The following CDH18 variants were observed in gnomAD, a reference collection of about 807,000 sequenced individuals.
The protein encoded by CDH18 is cadherin-18.
In CDH18, 31 loss-of-function variants were observed where a neutral mutation model predicts 67.9. The observed-to-expected ratio is 0.46, with a 90% CI of 0.34 to 0.62. The LOEUF is 0.62. Ranked by LOEUF, CDH18 falls within the 20% of genes least tolerant of loss-of-function variation. The probability of loss-of-function intolerance (pLI) is 0.01; values close to 1 mark genes in which losing one functional copy is unlikely to be tolerated. For synonymous variants in CDH18, 362 were observed against 347.2 expected (o/e 1.04, Z -0.48); for missense variants, 890 against 975.5 (o/e 0.91, Z 1.17).
rs139011378 is a variant in CDH18 at position 20,012,270 on chromosome 5, G to A, written c.-517-20256C>T. ...TGTTGGTTGTATTTCTGTGTGGTCC[G>A]CCAAAATATCCTTCTTATCATTTCT... On this transcript the variant is annotated intron_variant, in intron 2 of 14. Transcript: ENST00000507958. Among the ~76,000 whole-genome samples, 48 of 148,972 alleles carry A rather than the reference G, an allele frequency of 3.2e-4. No individual in the cohort carries two copies. In the East Asian group the frequency reaches 4.0e-3, roughly 12 times the overall value.
At chr5:20,500,599 C>T (rs1477137907) in intron 1 of CDH18, among the ~76,000 whole-genome samples, 4 of 152,080 alleles carry the variant, frequency 2.6e-5, no homozygotes, top group Non-Finnish European at 4.4e-5. Flanking sequence ...CTTAGATCTG[C>T]TTCGGACATG....
chr5:19,515,439 G>T (rs1366963359), intron 10 of CDH18, among the ~76,000 whole-genome samples: 1 of 143,462 alleles, frequency 7.0e-6, no homozygotes, highest in Non-Finnish European at 1.5e-5. Flanking sequence ...ACCTTGGGCA[G>T]TATGGCCATT....
At chr5:19,951,090 C>T (rs1181190079) in intron 2 of CDH18, among the ~76,000 whole-genome samples, 1 of 152,228 alleles carries the variant, frequency 6.6e-6, no homozygotes, top group East Asian at 1.9e-4. Flanking sequence ...ACTTCAGTGT[C>T]AGTTCCATTC....
intron 3 of CDH18, among the ~76,000 whole-genome samples, chr5:19,779,570 G>A (rs1282837584): frequency 6.6e-6 from 1 of 152,080 alleles, no homozygotes; most frequent in Non-Finnish European, 1.5e-5. Flanking sequence ...CTCTGTTCCA[G>A]CCAAGAGGGA....
At chr5:20,256,970 CTA>C (rs202108936) in intron 1 of CDH18, among the ~76,000 whole-genome samples, 3,396 of 106,138 alleles carry the variant, frequency 0.032, 54 homozygotes, top group East Asian at 0.06. Flanking sequence ...TCTAATCTAT[CTA>C]TATCTATATC....
intron 1 of CDH18, among the ~76,000 whole-genome samples, chr5:20,377,359 A>G (rs1743544084): frequency 1.3e-5 from 2 of 152,232 alleles, no homozygotes; most frequent in South Asian, 4.1e-4. Flanking sequence ...AAAATGAGAA[A>G]GAGATATTTG....
At chr5:19,727,208 T>C (rs1766955230) in intron 4 of CDH18, among the ~76,000 whole-genome samples, 1 of 152,212 alleles carries the variant, frequency 6.6e-6, no homozygotes. Flanking sequence ...AATTGATATG[T>C]TGAAGTCCTA....
At chr5:19,780,485 TA>T (rs1416348883) in intron 3 of CDH18, among the ~76,000 whole-genome samples, 5 of 152,094 alleles carry the variant, frequency 3.3e-5, no homozygotes, top group African/African-American at 9.7e-5. Flanking sequence ...ACAAAATATT[TA>T]AATATATCTG....
intron 1 of CDH18, among the ~76,000 whole-genome samples, chr5:20,447,980 GCCATGTTGGTGTGCTGCAC>G (rs1409814932): frequency 3.3e-5 from 5 of 151,712 alleles, no homozygotes; most frequent in African/African-American, 1.2e-4. Flanking sequence ...GTATACATGT[GCCATGTTGGTGTGCTGCAC>G]CCATTAACTC....
At chr5:19,631,183 G>A (rs1752362843) in intron 5 of CDH18, among the ~76,000 whole-genome samples, 1 of 151,922 alleles carries the variant, frequency 6.6e-6, no homozygotes, top group Non-Finnish European at 1.5e-5. Flanking sequence ...ACTAAAGAGA[G>A]AGCACCACAT....
chr5:19,548,017 T>A (rs1736638494), intron 8 of CDH18, among the ~76,000 whole-genome samples: 1 of 152,146 alleles, frequency 6.6e-6, no homozygotes, highest in Non-Finnish European at 1.5e-5. Flanking sequence ...AATTAAGAAG[T>A]GACATGGGAC....
At chr5:19,830,705 A>G (rs1011485380) in intron 3 of CDH18, among the ~76,000 whole-genome samples, 14 of 152,136 alleles carry the variant, frequency 9.2e-5, no homozygotes, top group African/African-American at 3.4e-4. Flanking sequence ...AAAGGAATAT[A>G]AATCATCCTA....
chr5:19,764,029 G>A (rs1967165), intron 3 of CDH18, among the ~76,000 whole-genome samples: 98,745 of 142,550 alleles, frequency 0.69, 40,281 homozygotes, highest in South Asian at 0.89. Context: ...TTAGCTGGGT[G>A]TGGTGGCAGA....
intron 5 of CDH18, among the ~76,000 whole-genome samples, chr5:19,716,417 G>T (rs1445478625): frequency 1.3e-5 from 2 of 151,906 alleles, no homozygotes; most frequent in African/African-American, 4.8e-5. Context: ...ACTATAACGT[G>T]ACTCCAAATA....
intron 1 of CDH18, among the ~76,000 whole-genome samples, chr5:20,484,735 G>T (rs974572665): frequency 5.3e-5 from 8 of 151,898 alleles, no homozygotes; most frequent in Admixed American, 3.3e-4. Context: ...TATTTGTGGG[G>T]GCTAAATATT....
intron 2 of CDH18, among the ~76,000 whole-genome samples, chr5:20,036,071 A>T (rs1226974091): frequency 6.6e-6 from 1 of 152,072 alleles, no homozygotes; most frequent in African/African-American, 2.4e-5. Flanking sequence ...TCATTAAGGC[A>T]TTTGACAAAA....
intron 2 of CDH18, among the ~76,000 whole-genome samples, chr5:19,874,789 G>C (rs2150033780): frequency 6.6e-6 from 1 of 152,274 alleles, no homozygotes; most frequent in Non-Finnish European, 1.5e-5. Context: ...ATGTGTAAAG[G>C]ACATAACAAT....
chr5:19,535,006 C>T (rs780319437), intron 9 of CDH18, among the ~76,000 whole-genome samples: 5 of 152,064 alleles, frequency 3.3e-5, no homozygotes, highest in Non-Finnish European at 7.4e-5. Context: ...ATGTTGGAAG[C>T]ATCTCCCTGG....
intron 3 of CDH18, among the ~76,000 whole-genome samples, chr5:19,814,798 T>A (rs1441120062): frequency 1.3e-5 from 2 of 151,612 alleles, no homozygotes; most frequent in Admixed American, 6.6e-5. Flanking sequence ...TTCCAAATAT[T>A]GCCAAATGCC....
Sources: allele counts gnomAD v4.1 joint callset (sites outside exome capture counted in the v4.1 genomes callset), GRCh38; gene constraint gnomAD v4.1.1; transcripts MANE v1.5; gene names NCBI Gene and HGNC (gene_info 2026-07-23, HGNC 2026-07-21).